ROBO2: variants seen among roughly 807,000 people sequenced by gnomAD.
ROBO2 encodes roundabout guidance receptor 2.
A neutral mutation model predicts 160.8 loss-of-function variants in ROBO2; 53 were observed. That is an observed-to-expected ratio of 0.33 (90% CI 0.26 to 0.41). The LOEUF (loss-of-function observed/expected upper bound fraction) is 0.41, where lower values mean the gene tolerates loss of function less well. Ranked by LOEUF, ROBO2 falls within the 10% of genes least tolerant of loss-of-function variation. The pLI is 1.00. For synonymous variants in ROBO2, 664 were observed against 611.7 expected, an observed-to-expected ratio of 1.09 and a Z score of -1.26; for missense variants, 1,577 against 1,722.4, an observed-to-expected ratio of 0.92 and a Z score of 1.49.
At chr3:76,215,240 T>G (rs1703427336) in intron 2 of ROBO2, among the ~76,000 whole-genome samples, 1 of 152,104 alleles carries the variant, frequency 6.6e-6, no homozygotes, top group African/African-American at 2.4e-5. Context: ...CCGGAAACTC[T>G]AAAAATCGAG....
chr3:77,256,444 A>G lies in ROBO2; in HGVS notation c.388+158104A>G, dbSNP rs192735786. Among the ~76,000 whole-genome samples, 17 of 152,330 alleles carry G rather than the reference A, an allele frequency of 1.1e-4. No individual in the cohort carries two copies. The East Asian group carries it at 3.3e-3, about 29-fold the overall frequency. ...TATGCACAATGAAGATAACATTAAC[A>G]TCATTAAGAATAAATGGGTAATAAA... On this transcript the variant is annotated intron_variant, in intron 2 of 25. Coordinates refer to ENST00000461745, the Ensembl canonical transcript of ROBO2.
intron 2 of ROBO2, among the ~76,000 whole-genome samples, chr3:76,589,206 G>A (rs1361215659): frequency 3.3e-5 from 5 of 152,062 alleles, no homozygotes; most frequent in African/African-American, 4.8e-5. Context: ...TCAAAACATC[G>A]CTCTGTATAC....
intron 2 of ROBO2, among the ~76,000 whole-genome samples, chr3:76,643,677 C>T (rs115535173): frequency 1.3e-5 from 2 of 152,166 alleles, no homozygotes; most frequent in Admixed American, 6.5e-5. Context: ...CCTGTTTCTG[C>T]TCTTAAAATA....
intron 2 of ROBO2, among the ~76,000 whole-genome samples, chr3:76,674,629 C>CACACACACACACACAG (rs1491244055): frequency 6.6e-6 from 1 of 151,026 alleles, no homozygotes; most frequent in South Asian, 2.1e-4. Context: ...CACACACACA[C>CACACACACACACACAG]AGAAACCTGT....
At chr3:76,952,752 C>G (rs1577781671) in intron 2 of ROBO2, among the ~76,000 whole-genome samples, 2 of 151,838 alleles carry the variant, frequency 1.3e-5, no homozygotes, top group Middle Eastern at 3.4e-3. Flanking sequence ...AATAATGATA[C>G]AATTCATACA....
chr3:77,321,456 G>T (rs1363818321), intron 2 of ROBO2, among the ~76,000 whole-genome samples: 2 of 152,080 alleles, frequency 1.3e-5, no homozygotes, highest in Non-Finnish European at 2.9e-5. Flanking sequence ...GTTCGAAGCT[G>T]CAGTGAGCTG....
chr3:77,332,830 AT>A (rs2066114242), intron 2 of ROBO2, among the ~76,000 whole-genome samples: 1 of 152,214 alleles, frequency 6.6e-6, no homozygotes, highest in Admixed American at 6.5e-5. Context: ...TGCTGTTAAT[AT>A]TAATGTTAGT....
At chr3:76,556,560 AT>A (rs1033825052) in intron 2 of ROBO2, among the ~76,000 whole-genome samples, 1 of 152,170 alleles carries the variant, frequency 6.6e-6, no homozygotes, top group Non-Finnish European at 1.5e-5. Context: ...AATGGGTGGT[AT>A]TTGATGTGAA....
At chr3:76,410,872 A>G (rs1364315290) in intron 2 of ROBO2, among the ~76,000 whole-genome samples, 1 of 152,178 alleles carries the variant, frequency 6.6e-6, no homozygotes, top group Admixed American at 6.5e-5. Context: ...CAGGGAAATC[A>G]TATTTAAAAT....
chr3:77,055,931 A>C (rs1578578047), intron 1 of ROBO2, among the ~76,000 whole-genome samples: 1 of 152,358 alleles, frequency 6.6e-6, no homozygotes, highest in East Asian at 1.9e-4. Flanking sequence ...CAATAAATTG[A>C]AAAGATAAAT....
At chr3:76,075,112 C>G (rs1344343645) in intron 2 of ROBO2, among the ~76,000 whole-genome samples, 1 of 151,944 alleles carries the variant, frequency 6.6e-6, no homozygotes, top group African/African-American at 2.4e-5. Flanking sequence ...AACGACATTG[C>G]TTCCCTGCAT....
At chr3:77,513,734 C>A (rs922269603) in intron 5 of ROBO2, among the ~76,000 whole-genome samples, 1 of 151,520 alleles carries the variant, frequency 6.6e-6, no homozygotes, top group East Asian at 1.9e-4. Context: ...GAGAAAAAAA[C>A]CCTGCAAAAA....
At chr3:76,144,592 C>T (rs1307549101) in intron 2 of ROBO2, among the ~76,000 whole-genome samples, 3 of 151,974 alleles carry the variant, frequency 2.0e-5, no homozygotes, top group Admixed American at 2.0e-4. Flanking sequence ...AATTCATGTG[C>T]ATGTTGGAGA....
intron 2 of ROBO2, among the ~76,000 whole-genome samples, chr3:76,354,036 T>C (rs1042588092): frequency 1.3e-5 from 2 of 151,912 alleles, no homozygotes; most frequent in African/African-American, 4.8e-5. Context: ...TGACATCTGT[T>C]TCCCTAGTTG....
chr3:76,750,088 G>A (rs996037150), intron 2 of ROBO2, among the ~76,000 whole-genome samples: 2 of 152,086 alleles, frequency 1.3e-5, no homozygotes, highest in African/African-American at 4.8e-5. Flanking sequence ...ATGTCATAAA[G>A]CTTATCCACC....
intron 2 of ROBO2, among the ~76,000 whole-genome samples, chr3:77,184,330 G>A (rs945890009): frequency 3.9e-5 from 6 of 151,986 alleles, no homozygotes; most frequent in Admixed American, 6.6e-5. Flanking sequence ...GCAGCTATGC[G>A]TGAAGCACTG....
intron 2 of ROBO2, among the ~76,000 whole-genome samples, chr3:76,568,368 G>A (rs1229469034): frequency 6.6e-6 from 1 of 151,978 alleles, no homozygotes; most frequent in Non-Finnish European, 1.5e-5. Flanking sequence ...TGCGATCTCG[G>A]CTCACTGCAA....
chr3:76,130,911 A>C (rs555256240), intron 2 of ROBO2, among the ~76,000 whole-genome samples: 1 of 152,270 alleles, frequency 6.6e-6, no homozygotes, highest in South Asian at 2.1e-4. Context: ...CTCTTTGTGA[A>C]GACATCCTGT....
intron 2 of ROBO2, among the ~76,000 whole-genome samples, chr3:76,012,994 T>C (rs1327718781): frequency 6.8e-6 from 1 of 148,104 alleles, no homozygotes; most frequent in Non-Finnish European, 1.5e-5. Context: ...GGCTTATGCA[T>C]GTAATCCCAG....
Sources: allele counts gnomAD v4.1 joint callset (sites outside exome capture counted in the v4.1 genomes callset), GRCh38; gene constraint gnomAD v4.1.1; transcripts MANE v1.5; gene names NCBI Gene and HGNC (gene_info 2026-07-23, HGNC 2026-07-21).